CMIP: variants seen among roughly 807,000 people sequenced by gnomAD.
CMIP encodes c-Maf inducing protein.
CMIP carries 13 observed loss-of-function variants against 97.3 expected under a neutral mutation model. The ratio of observed to expected loss-of-function variants is 0.13; its 90% confidence interval spans 0.09 to 0.21. CMIP has a LOEUF of 0.21. CMIP is among the 10% of genes least tolerant of loss of function. The pLI is 1.00. For missense variants in CMIP, 847 were observed against 1,024.9 expected (o/e 0.83, Z 2.37); for synonymous variants, 538 against 436.3 (o/e 1.23, Z -2.91).
At chr16:81,449,674 C>CAA (rs1906089522) in intron 1 of CMIP, among the ~76,000 whole-genome samples, 3 of 151,668 alleles carry the variant, frequency 2.0e-5, no homozygotes, top group Non-Finnish European at 4.4e-5. Flanking sequence ...AGATTTCCCC[C>CAA]CCCCCCTTTC....
intron 10 of CMIP, among the ~76,000 whole-genome samples, chr16:81,688,584 G>C (rs1905686382): frequency 6.6e-6 from 1 of 152,202 alleles, no homozygotes; most frequent in Non-Finnish European, 1.5e-5. Context: ...GCATCCTGCA[G>C]TGTGTGTGGA....
chr16:81,500,302 C>CCTTCCTTCCTTA (rs2150776977), intron 1 of CMIP, among the ~76,000 whole-genome samples: 1 of 137,700 alleles, frequency 7.3e-6, no homozygotes, highest in South Asian at 2.4e-4. Context: ...TTCCTTCCTT[C>CCTTCCTTCCTTA]CTGCCTCCCT....
intron 1 of CMIP, among the ~76,000 whole-genome samples, chr16:81,486,758 C>G (rs2089320711): frequency 1.3e-5 from 2 of 152,260 alleles, no homozygotes; most frequent in African/African-American, 4.8e-5. Flanking sequence ...GGCACTGTTG[C>G]AGATGTCCTG....
chr16:81,568,049 T>TC (rs1567584436), intron 1 of CMIP, among the ~76,000 whole-genome samples: 1 of 149,696 alleles, frequency 6.7e-6, no homozygotes, highest in African/African-American at 2.5e-5. Flanking sequence ...GTTTTTTTTT[T>TC]TTTTTTTTTT....
At position 81,605,472 on chromosome 16, in the gene CMIP, T is replaced by C. The variant is rs1002633434; in HGVS notation, c.301-2095T>C. On this transcript the variant is annotated intron_variant, in intron 1 of 20. Transcript: ENST00000537098. ...TGTCTCCTTTCAAGTCTGTTTTCTA[T>C]GCAGCAATCCCTGTGAACCTTGGCT... Among the ~76,000 whole-genome samples the C allele has an allele frequency of 2.6e-5, 4 of 152,232 alleles. No homozygotes were observed. In the South Asian group the frequency reaches 8.3e-4, roughly 31 times the overall value.
intron 1 of CMIP, among the ~76,000 whole-genome samples, chr16:81,481,685 T>C (rs2089225631): frequency 6.6e-6 from 1 of 152,078 alleles, no homozygotes; most frequent in Non-Finnish European, 1.5e-5. Flanking sequence ...ATCTTACAGT[T>C]CTGGAGGTCA....
intron 10 of CMIP, among the ~76,000 whole-genome samples, chr16:81,681,041 G>A (rs969130593): frequency 6.6e-6 from 1 of 152,196 alleles, no homozygotes; most frequent in Non-Finnish European, 1.5e-5. Flanking sequence ...CCAGCTGCCA[G>A]GGTGCAGGTG....
chr16:81,452,885 G>GTTTTGTT lies in CMIP; in HGVS notation c.300+7348_300+7349insGTTTTTT, dbSNP rs1555518159. ...TTTTCTTTTGTTTTTTTTTTGTTTT[G>GTTTTGTT]TTTTTTTTTTTTTTTTTTTGCAAAC... On this transcript the variant is annotated intron_variant, in intron 1 of 20. Transcript: ENST00000537098. Among the ~76,000 whole-genome samples the GTTTTGTT allele has an allele frequency of 2.5e-4, 32 of 129,226 alleles. 1 individual carries two copies. The highest frequency in any genetic ancestry group is 8.4e-4 in the African/African-American group (29 of 34,582). The allele number at this position is 129,226 out of a possible 152,430, so 84.8% of individuals were successfully genotyped here. A position where few individuals can be genotyped will look rare whatever the true frequency, so the allele number is the denominator to read the frequency against.
chr16:81,475,627 C>A (rs146108134), intron 1 of CMIP, among the ~76,000 whole-genome samples: 70 of 152,272 alleles, frequency 4.6e-4, no homozygotes, highest in Admixed American at 2.2e-3. Context: ...TTCTAGGATA[C>A]TGTGAGCAAA....
Position 81,561,425 on chromosome 16 carries a change from G to A in CMIP, c.301-46142G>A, listed in dbSNP as rs554938299. Among the ~76,000 whole-genome samples, 167 of 152,370 alleles carry A rather than the reference G, an allele frequency of 1.1e-3. 2 individuals are homozygous for A. Among genetic ancestry groups the A allele is most frequent in the African/African-American group, 3.9e-3 (161 of 41,588 alleles). ...TATGCAGACACTTAGCAGATGTGTG[G>A]TGGAGGGAAGGGTAGGGTGGAGGTA... On this transcript the variant is annotated intron_variant, in intron 1 of 20. Transcript: ENST00000537098.
chr16:81,688,013 C>T (rs1453884051), intron 10 of CMIP, among the ~76,000 whole-genome samples: 1 of 152,242 alleles, frequency 6.6e-6, no homozygotes. Context: ...CTTCAAGCCC[C>T]GGTGCGCAGG....
chr16:81,555,546 C>T (rs1359748487), intron 1 of CMIP, among the ~76,000 whole-genome samples: 1 of 152,230 alleles, frequency 6.6e-6, no homozygotes, highest in Non-Finnish European at 1.5e-5. Flanking sequence ...TCAGCACATA[C>T]ACTGTCCGCT....
At chr16:81,640,652 T>C (rs1179781708) in intron 3 of CMIP, among the ~76,000 whole-genome samples, 1 of 152,074 alleles carries the variant, frequency 6.6e-6, no homozygotes, top group Non-Finnish European at 1.5e-5. Flanking sequence ...TTTCCTTGCC[T>C]CACCCAGCTT....
At position 81,513,217 on chromosome 16, in the gene CMIP, G is replaced by A. The variant is rs180731697; in HGVS notation, c.300+67676G>A. 5.6e-3 allele frequency among the ~76,000 whole-genome samples: 858 copies of A among 152,330 alleles called. 30 individuals carry two copies. The highest frequency in any genetic ancestry group is 0.048 in the Admixed American group (733 of 15,298). ...TCCCCCTAGATCGAGTTTTCGTAGA[G>A]CGGGGCCTGCCTGCATCCGTTGCTG... On this transcript the variant is annotated intron_variant, in intron 1 of 20. Transcript: ENST00000537098.
At chr16:81,544,874 A>T (rs187851846) in intron 1 of CMIP, among the ~76,000 whole-genome samples, 140 of 152,162 alleles carry the variant, frequency 9.2e-4, no homozygotes, top group African/African-American at 3.3e-3. Flanking sequence ...GGGTTGAGTA[A>T]CTTTATGAGT....
chr16:81,648,325 G>A (rs1412078177), intron 3 of CMIP, among the ~76,000 whole-genome samples: 3 of 151,954 alleles, frequency 2.0e-5, no homozygotes, highest in Non-Finnish European at 4.4e-5. Flanking sequence ...AGGCTTCTGT[G>A]CACAGAGAAC....
At chr16:81,556,670 A>T (rs553672464) in intron 1 of CMIP, among the ~76,000 whole-genome samples, 1 of 152,320 alleles carries the variant, frequency 6.6e-6, no homozygotes, top group African/African-American at 2.4e-5. Context: ...CTGGAGGCCG[A>T]CAGTGGCGAT....
At chr16:81,490,786 G>T (rs1320717968) in intron 1 of CMIP, among the ~76,000 whole-genome samples, 1 of 151,876 alleles carries the variant, frequency 6.6e-6, no homozygotes. Flanking sequence ...ACCCTGGGGT[G>T]TCTGGGTAGA....
intron 10 of CMIP, chr16:81,691,567 G>A: frequency 5.0e-6 from 3 of 598,446 alleles, no homozygotes; most frequent in Non-Finnish European, 9.0e-6. Context: ...CCATGAGGAA[G>A]TCTCTGCACA....
Sources: gnomAD v4.1 joint callset for allele counts (sites outside exome capture counted in the v4.1 genomes callset) on GRCh38, gnomAD v4.1.1 for gene constraint, MANE v1.5 for transcripts, NCBI Gene and HGNC (gene_info 2026-07-23, HGNC 2026-07-21) for gene names.